The following NALF1 variants were observed in gnomAD, a reference collection of about 807,000 sequenced individuals.
NALF1 encodes the protein family with sequence similarity 155 member A.
NALF1 carries 3 observed loss-of-function variants against 48.4 expected under a neutral mutation model. The observed-to-expected ratio is 0.06, with a 90% CI of 0.03 to 0.16. The LOEUF (loss-of-function observed/expected upper bound fraction) is 0.16. NALF1 is among the 10% of genes least tolerant of loss of function. The pLI is 1.00. For synonymous variants in NALF1, 262 were observed against 245.7 expected (o/e 1.07, Z -0.62); for missense variants, 526 against 571.5 (o/e 0.92, Z 0.81).
At chr13:107,628,924 A>C (rs958119480) in intron 1 of NALF1, among the ~76,000 whole-genome samples, 3 of 152,072 alleles carry the variant, frequency 2.0e-5, no homozygotes, top group African/African-American at 7.2e-5. Flanking sequence ...CCCCCATTAA[A>C]TTTCATCTCT....
chr13:107,565,065 C>CAAA (rs71754551), intron 1 of NALF1, among the ~76,000 whole-genome samples: 274 of 23,184 alleles, frequency 0.012, 14 homozygotes, highest in African/African-American at 0.035. Context: ...GTGATATCTG[C>CAAA]AAAAAAAAAA....
At chr13:107,233,949 T>C (rs1377211399) in intron 1 of NALF1, among the ~76,000 whole-genome samples, 1 of 152,184 alleles carries the variant, frequency 6.6e-6, no homozygotes, top group Non-Finnish European at 1.5e-5. Flanking sequence ...TTTTATGACA[T>C]TGTTATTTGA....
intron 1 of NALF1, among the ~76,000 whole-genome samples, chr13:107,733,707 T>C (rs952194856): frequency 6.6e-6 from 1 of 152,200 alleles, no homozygotes; most frequent in Non-Finnish European, 1.5e-5. Flanking sequence ...GAATATCTCA[T>C]GGCATTAAAA....
intron 1 of NALF1, among the ~76,000 whole-genome samples, chr13:107,503,923 G>GT (rs1875609097): frequency 8.0e-6 from 1 of 124,592 alleles, no homozygotes; most frequent in Non-Finnish European, 1.9e-5. Flanking sequence ...ACTTACATGT[G>GT]ATTTTTTTTT....
intron 1 of NALF1, among the ~76,000 whole-genome samples, chr13:107,661,087 C>CTATG (rs1880725274): frequency 6.6e-6 from 1 of 152,150 alleles, no homozygotes; most frequent in Admixed American, 6.5e-5. Context: ...GGGATTGGAG[C>CTATG]ACCTCTCAAA....
At chr13:107,292,354 C>G (rs1881638188) in intron 1 of NALF1, among the ~76,000 whole-genome samples, 1 of 152,194 alleles carries the variant, frequency 6.6e-6, no homozygotes, top group African/African-American at 2.4e-5. Context: ...TAGGATATTA[C>G]TGTACACTAA....
chr13:107,752,003 T>C (rs1207206090), intron 1 of NALF1, among the ~76,000 whole-genome samples: 1 of 152,044 alleles, frequency 6.6e-6, no homozygotes, highest in Non-Finnish European at 1.5e-5. Flanking sequence ...TTCAAACATA[T>C]TAATATTTAT....
intron 1 of NALF1, among the ~76,000 whole-genome samples, chr13:107,804,346 C>T (rs1459159938): frequency 1.3e-5 from 2 of 152,130 alleles, no homozygotes; most frequent in Non-Finnish European, 2.9e-5. Flanking sequence ...AAAAGACAGA[C>T]ACGGTCCAGT....
chr13:107,545,081 G>T (rs1006269317), intron 1 of NALF1, among the ~76,000 whole-genome samples: 26 of 152,186 alleles, frequency 1.7e-4, no homozygotes, highest in Non-Finnish European at 2.9e-4. Flanking sequence ...ACATATAAAG[G>T]TGATCTTATT....
intron 1 of NALF1, among the ~76,000 whole-genome samples, chr13:107,359,753 T>C (rs77614119): frequency 0.013 from 2,029 of 152,178 alleles, 43 homozygotes; most frequent in African/African-American, 0.047. Context: ...AAAGAGCGCT[T>C]AAGGGCTTCA....
intron 1 of NALF1, among the ~76,000 whole-genome samples, chr13:107,817,330 T>C (rs1879197999): frequency 6.6e-6 from 1 of 152,214 alleles, no homozygotes; most frequent in South Asian, 2.1e-4. Flanking sequence ...CATATAGGTG[T>C]GGTGTCCTTG....
intron 1 of NALF1, among the ~76,000 whole-genome samples, chr13:107,644,642 C>CATATATATATATAT (rs371201609): frequency 0.026 from 2,346 of 91,668 alleles, 95 homozygotes; most frequent in Non-Finnish European, 0.028. Flanking sequence ...TACATACATA[C>CATATATATATATAT]ATACATATAT....
At chr13:107,243,406 T>C (rs1446730976) in intron 1 of NALF1, among the ~76,000 whole-genome samples, 1 of 152,170 alleles carries the variant, frequency 6.6e-6, no homozygotes, top group African/African-American at 2.4e-5. Context: ...ACCCCCATTG[T>C]TCCCTGGCAC....
chr13:107,739,371 T>C lies in NALF1; in HGVS notation c.915+126311A>G, dbSNP rs531466677. On this transcript the variant is annotated intron_variant, in intron 1 of 2. Transcript: ENST00000375915. ...TATTTTCATATATAATATATAAATA[T>C]ATAATTAAGATAAAATATTACATAT... 2.2e-3 allele frequency among the ~76,000 whole-genome samples: 330 copies of C among 148,180 alleles called. 2 individuals carry two copies. The highest frequency in any genetic ancestry group is 3.3e-3 in the Non-Finnish European group (223 of 67,264).
At chr13:107,568,543 C>A (rs1031948702) in intron 1 of NALF1, among the ~76,000 whole-genome samples, 1 of 152,178 alleles carries the variant, frequency 6.6e-6, no homozygotes, top group Non-Finnish European at 1.5e-5. Context: ...TTTGGAATAG[C>A]TGTACCATTT....
chr13:107,553,473 T>A (rs1365699750), intron 1 of NALF1, among the ~76,000 whole-genome samples: 1 of 152,228 alleles, frequency 6.6e-6, no homozygotes, highest in Admixed American at 6.5e-5. Flanking sequence ...TAAGAGAGTA[T>A]TTACATGTGT....
In NALF1 at chr13:107,545,593, G is replaced by A. The variant is rs184740923; in HGVS notation, c.915+320089C>T. 9.1e-4 allele frequency among the ~76,000 whole-genome samples: 139 copies of A among 152,180 alleles called. 1 individual carries two copies. The highest frequency in any genetic ancestry group is 1.5e-3 in the Non-Finnish European group (104 of 68,020). ...GAGCCTGAGATCTGAAAGACCCATA[G>A]GGTCAGAGCAGATATGGAGCTGAGG... On this transcript the variant is annotated intron_variant, in intron 1 of 2. Transcript: ENST00000375915.
At position 107,178,955 on chromosome 13, in the gene NALF1, C is replaced by A. The variant is rs971374297; in HGVS notation, c.1088-8169G>T. ...GTGAGACTCTGTCTCAAAAAACAAA[C>A]AAAAAAAAAAAACAAAAAATAGAGC... is the stretch of plus-strand genomic sequence containing the variant. On this transcript the variant is annotated intron_variant, in intron 2 of 2. Transcript: ENST00000375915. Among the ~76,000 whole-genome samples, 541 of 125,268 alleles carry A rather than the reference C, an allele frequency of 4.3e-3. 6 individuals carry two copies. Among genetic ancestry groups the A allele is most frequent in the African/African-American group, 0.014 (480 of 35,378 alleles). 82.2% of individuals were successfully genotyped at this position (125,268 alleles called of 152,430 possible).
At chr13:107,333,395 T>C (rs546537127) in intron 1 of NALF1, among the ~76,000 whole-genome samples, 21 of 152,234 alleles carry the variant, frequency 1.4e-4, no homozygotes, top group Non-Finnish European at 2.9e-4. Flanking sequence ...GAGAAAAACA[T>C]GGCACTCATA....
Sources: allele counts gnomAD v4.1 joint callset (sites outside exome capture counted in the v4.1 genomes callset), GRCh38; gene constraint gnomAD v4.1.1; transcripts MANE v1.5; gene names NCBI Gene and HGNC (gene_info 2026-07-23, HGNC 2026-07-21).